The following TBC1D22A variants were observed in gnomAD, a reference collection of about 807,000 sequenced individuals.
TBC1D22A encodes putative GTPase activator.
A neutral mutation model predicts 60.2 loss-of-function variants in TBC1D22A; 38 were observed. That is an observed-to-expected ratio of 0.63 (90% CI 0.49 to 0.83). The LOEUF (loss-of-function observed/expected upper bound fraction) is 0.83, where lower values mean the gene tolerates loss of function less well. Ranked by LOEUF, TBC1D22A falls within the 40% of genes least tolerant of loss-of-function variation. The pLI, the probability that TBC1D22A is intolerant of heterozygous loss-of-function variation, is 0.00. For missense variants in TBC1D22A, 628 were observed against 701.0 expected, an observed-to-expected ratio of 0.90 and a Z score of 1.18; for synonymous variants, 302 against 281.7, an observed-to-expected ratio of 1.07 and a Z score of -0.72.
chr22:47,014,827 G>T (rs986680655), intron 10 of TBC1D22A, among the ~76,000 whole-genome samples: 2 of 152,204 alleles, frequency 1.3e-5, no homozygotes, highest in Admixed American at 6.5e-5. Context: ...GTCTCTAGCT[G>T]TTGCCATGTG....
intron 6 of TBC1D22A, among the ~76,000 whole-genome samples, 189 bp downstream of exon 6, chr22:46,891,583 T>C (rs2147603134): frequency 6.6e-6 from 1 of 152,370 alleles, no homozygotes; most frequent in Middle Eastern, 3.4e-3. Flanking sequence ...TTTCCTCTGC[T>C]AGTACTATCT....
At chr22:47,014,098 C>A (rs2061832507) in intron 10 of TBC1D22A, among the ~76,000 whole-genome samples, 1 of 152,196 alleles carries the variant, frequency 6.6e-6, no homozygotes, top group African/African-American at 2.4e-5. Context: ...CTCCTGTGTC[C>A]CCGCCATGCC....
intron 7 of TBC1D22A, among the ~76,000 whole-genome samples, chr22:46,908,959 G>A (rs2069690791): frequency 2.0e-5 from 3 of 152,162 alleles, no homozygotes; most frequent in African/African-American, 7.2e-5. Context: ...TCCTGCTGTG[G>A]AACCGAGTCG....
intron 1 of TBC1D22A, among the ~76,000 whole-genome samples, chr22:46,784,119 C>T (rs752696124): frequency 2.0e-5 from 3 of 152,104 alleles, no homozygotes; most frequent in African/African-American, 7.2e-5. Flanking sequence ...GATCACAGCT[C>T]ACTGCAACCT....
intron 12 of TBC1D22A, among the ~76,000 whole-genome samples, chr22:47,153,713 A>G (rs1282017298): frequency 6.6e-6 from 1 of 152,120 alleles, no homozygotes; most frequent in East Asian, 1.9e-4. Context: ...GTGGTGACAG[A>G]TTGCAATGGC....
chr22:46,870,272 T>A (rs2067242309), intron 4 of TBC1D22A, among the ~76,000 whole-genome samples: 1 of 152,264 alleles, frequency 6.6e-6, no homozygotes, highest in Non-Finnish European at 1.5e-5. Flanking sequence ...CTCTACCCTC[T>A]GCTCTCTGTC....
chr22:47,014,595 A>G (rs2061851167), intron 10 of TBC1D22A, among the ~76,000 whole-genome samples: 1 of 152,084 alleles, frequency 6.6e-6, no homozygotes, highest in Non-Finnish European at 1.5e-5. Context: ...CACCTCACTT[A>G]CTTCTCACGG....
At chr22:47,107,856 C>CT (rs2065693935) in intron 11 of TBC1D22A, among the ~76,000 whole-genome samples, 2 of 152,228 alleles carry the variant, frequency 1.3e-5, no homozygotes, top group African/African-American at 2.4e-5. Flanking sequence ...AACTTCCATA[C>CT]TTTTTACCAT....
chr22:47,029,330 AC>A (rs2062377433), intron 10 of TBC1D22A, among the ~76,000 whole-genome samples: 1 of 151,608 alleles, frequency 6.6e-6, no homozygotes, highest in Admixed American at 6.6e-5. Context: ...GCGCTTCCAT[AC>A]CCCTCCCAAT....
At chr22:47,049,993 A>T (rs181070893) in intron 11 of TBC1D22A, among the ~76,000 whole-genome samples, 2 of 152,320 alleles carry the variant, frequency 1.3e-5, no homozygotes, top group East Asian at 3.9e-4. Flanking sequence ...TGCAGCCAGC[A>T]GTTTTGTGAG....
intron 5 of TBC1D22A, among the ~76,000 whole-genome samples, chr22:46,884,217 G>A (rs536169870): frequency 1.3e-5 from 2 of 152,264 alleles, no homozygotes; most frequent in South Asian, 4.1e-4. Flanking sequence ...GGGATGGTGA[G>A]GGCCGAGGAG....
chr22:47,105,154 C>T (rs2065586869), intron 11 of TBC1D22A, among the ~76,000 whole-genome samples: 1 of 150,994 alleles, frequency 6.6e-6, no homozygotes, highest in Non-Finnish European at 1.5e-5. Flanking sequence ...TCAATAATAT[C>T]ATAAAAAAAA....
At chr22:46,891,478 C>A in intron 6 of TBC1D22A, 84 bp downstream of exon 6, 1 of 1,440,488 alleles carries the variant, frequency 6.9e-7, no homozygotes, top group South Asian at 1.5e-5. Context: ...TTATCAAAAC[C>A]ATGTGGAGTT....
chr22:46,928,638 T>C (rs2071180982), intron 8 of TBC1D22A, among the ~76,000 whole-genome samples: 1 of 152,108 alleles, frequency 6.6e-6, no homozygotes, highest in African/African-American at 2.4e-5. Flanking sequence ...TTCCCCAGAA[T>C]GGGAGAAGAT....
intron 8 of TBC1D22A, among the ~76,000 whole-genome samples, chr22:46,920,823 T>G (rs1016827491): frequency 6.6e-6 from 1 of 151,776 alleles, no homozygotes; most frequent in South Asian, 2.1e-4. Context: ...CAGGCTGGAG[T>G]GCAGTCGTGC....
intron 11 of TBC1D22A, among the ~76,000 whole-genome samples, chr22:47,075,697 A>G (rs1489312979): frequency 6.6e-6 from 1 of 152,236 alleles, no homozygotes. Context: ...TTAAATAAAT[A>G]TTGAGATAGT....
intron 12 of TBC1D22A, among the ~76,000 whole-genome samples, chr22:47,161,754 G>A (rs543475587): frequency 7.2e-5 from 11 of 152,364 alleles, no homozygotes; most frequent in Admixed American, 5.2e-4. Context: ...GCCCTTCTGC[G>A]CAAGTGTGTG....
chr22:46,814,252 G>A (rs1463576176), intron 4 of TBC1D22A, among the ~76,000 whole-genome samples: 1 of 152,204 alleles, frequency 6.6e-6, no homozygotes, highest in Non-Finnish European at 1.5e-5. Flanking sequence ...GGGGTGTGGA[G>A]TCCTTGATGT....
rs1237751782 is a variant in TBC1D22A at position 47,052,042 on chromosome 22, G to A, written c.1329+14844G>A. Among the ~76,000 whole-genome samples, 8 of 151,144 alleles carry A rather than the reference G, an allele frequency of 5.3e-5. No individual in the cohort carries two copies. The South Asian group carries it at 6.4e-4, about 12-fold the overall frequency. On this transcript the variant is annotated intron_variant, in intron 11 of 12. Coordinates refer to ENST00000337137, the MANE Select transcript of TBC1D22A (RefSeq NM_014346.5). ...GCGGGCGGGATGCCTCCTCTTCAGCGGTAAGGCAGGGTGGGGCAGGCTCTC... is the reference window on the plus strand; with the variant it reads ...GCGGGCGGGATGCCTCCTCTTCAGCAGTAAGGCAGGGTGGGGCAGGCTCTC...
Sources: gnomAD v4.1 joint callset for allele counts (sites outside exome capture counted in the v4.1 genomes callset) on GRCh38, gnomAD v4.1.1 for gene constraint, MANE v1.5 for transcripts, NCBI Gene and HGNC (gene_info 2026-07-23, HGNC 2026-07-21) for gene names.